RYR3: variants seen among roughly 807,000 people sequenced by gnomAD.
RYR3 encodes ryanodine receptor 3.
In RYR3, 207 loss-of-function variants were observed where a neutral mutation model predicts 584.3. The ratio of observed to expected loss-of-function variants is 0.35; its 90% CI spans 0.32 to 0.40. The LOEUF is 0.40. RYR3 is among the 10% of genes least tolerant of loss of function. RYR3 has a pLI of 1.00. For synonymous variants in RYR3, 2,416 were observed against 2,248.5 expected (o/e 1.07, Z -2.11); for missense variants, 5,616 against 6,089.2 (o/e 0.92, Z 2.59).
chr15:33,324,205 G>A (rs1222117403), intron 1 of RYR3, among the ~76,000 whole-genome samples: 1 of 152,034 alleles, frequency 6.6e-6, no homozygotes, highest in African/African-American at 2.4e-5. Context: ...ACATCCTCTT[G>A]GATTATGACA....
chr15:33,582,434 A>C (rs1391974277), intron 14 of RYR3, among the ~76,000 whole-genome samples: 2 of 152,202 alleles, frequency 1.3e-5, no homozygotes, highest in South Asian at 4.1e-4. Flanking sequence ...TGATTGGATT[A>C]CCACAGTACT....
rs1035437949 is a variant in RYR3, at chr15:33,830,998, G to A, written c.11370G>A (p.Gly3790=). The change falls in exon 86 of 104, where the codon GGG becomes GGA. Residue 3790 remains glycine, a synonymous_variant. Coordinates refer to ENST00000634891, the MANE Select transcript of RYR3 (RefSeq NM_001036.6). Reference sequence around the variant, plus strand: ...GTGATTTCTACTGGTATTATTCAGGGAAGGACATCATTGATGAATCTGGAC... The same window carrying A: ...GTGATTTCTACTGGTATTATTCAGGAAAGGACATCATTGATGAATCTGGAC... The part of the protein sequence containing the change: ...SISDFYWYYS[G]KDIIDESGQH... 1.9e-6 allele frequency: 3 copies of A among 1,613,694 alleles called. No homozygotes were observed. The East Asian group carries it at 6.7e-5, about 36-fold the overall frequency.
At chr15:33,835,121 C>G in intron 87 of RYR3, 49 bp downstream of exon 87, 1 of 1,356,456 alleles carries the variant, frequency 7.4e-7, no homozygotes, top group Admixed American at 1.7e-5. Flanking sequence ...AATGCTAAGT[C>G]AGTCCTCACT....
chr15:33,553,175 T>C (rs892770), intron 10 of RYR3, among the ~76,000 whole-genome samples: 131,703 of 152,054 alleles, frequency 0.87, 57,639 homozygotes, highest in Middle Eastern at 0.98. Context: ...ATCTGATCCT[T>C]TCCATATGTT....
intron 2 of RYR3, among the ~76,000 whole-genome samples, chr15:33,483,966 A>G (rs2676016): frequency 0.44 from 67,159 of 151,578 alleles, 15,624 homozygotes; most frequent in Non-Finnish European, 0.52. Context: ...CACCTGATTG[A>G]CTTCTCATCT....
intron 69 of RYR3, among the ~76,000 whole-genome samples, chr15:33,805,603 A>G (rs58633249): frequency 0.055 from 8,377 of 151,116 alleles, 428 homozygotes; most frequent in African/African-American, 0.14. Flanking sequence ...TCAGCCTCCC[A>G]AGTAGCTGGG....
intron 67 of RYR3, among the ~76,000 whole-genome samples, chr15:33,794,347 A>ATATAT (rs1453088029): frequency 1.1e-4 from 8 of 74,532 alleles, no homozygotes; most frequent in African/African-American, 1.9e-4. Flanking sequence ...ATATATATAA[A>ATATAT]AATATATATA....
At chr15:33,590,394 T>C (rs1256044460) in intron 16 of RYR3, among the ~76,000 whole-genome samples, 1 of 152,214 alleles carries the variant, frequency 6.6e-6, no homozygotes, top group African/African-American at 2.4e-5. Flanking sequence ...CAGGTTCTTT[T>C]TTGGTTACAT....
At position 33,579,957 on chromosome 15, in the gene RYR3, T is replaced by C; in HGVS notation, c.1269-19T>C. The C allele has an allele frequency of 6.3e-7, 1 of 1,597,396 alleles. No individual in the cohort carries two copies. Among genetic ancestry groups the C allele is most frequent in the Non-Finnish European group, 8.5e-7 (1 of 1,169,910 alleles). On this transcript the variant is annotated intron_variant, in intron 12 of 103. Transcript: ENST00000634891. The stretch of plus-strand genomic sequence containing the variant: ...GCTGCTGGCCAGTGCCTAAACCATG[T>C]CAATCTCATGGTTTTTAGCGGAAAC...
rs555903057 is a variant in RYR3 at position 33,357,966 on chromosome 15, G to A, written c.51+46870G>A. ...ACTCTTACAGCAGTGTAGCCAGTAA[G>A]TGATTCTGTCCTTGCATTTGCCAGG... On this transcript the variant is annotated intron_variant, in intron 1 of 103. Transcript: ENST00000634891. Among the ~76,000 whole-genome samples, 11 of 152,366 alleles carry A rather than the reference G, an allele frequency of 7.2e-5. No individual in the cohort carries two copies. In the South Asian group the frequency reaches 2.3e-3, roughly 32 times the overall value.
intron 1 of RYR3, among the ~76,000 whole-genome samples, chr15:33,335,590 T>C (rs1039241698): frequency 1.3e-5 from 2 of 152,108 alleles, no homozygotes; most frequent in African/African-American, 4.8e-5. Flanking sequence ...ACCTAGGTGA[T>C]GAAATCATCT....
chr15:33,496,570 T>C (rs1288552927), intron 2 of RYR3, among the ~76,000 whole-genome samples: 3 of 152,140 alleles, frequency 2.0e-5, no homozygotes, highest in Non-Finnish European at 2.9e-5. Flanking sequence ...ACAGATTCTG[T>C]AAAGCCTGTA....
At chr15:33,606,295 A>G (rs1240117132) in intron 18 of RYR3, among the ~76,000 whole-genome samples, 4 of 152,242 alleles carry the variant, frequency 2.6e-5, no homozygotes, top group Non-Finnish European at 5.9e-5. Context: ...GACAGTAAAT[A>G]TGAGCTACCT....
chr15:33,597,371 C>T (rs2059424888), intron 16 of RYR3, among the ~76,000 whole-genome samples: 2 of 152,064 alleles, frequency 1.3e-5, no homozygotes, highest in South Asian at 4.1e-4. Context: ...AATCCCAGCA[C>T]CTTGGGAGGC....
chr15:33,545,107 A>G (rs189865203), intron 8 of RYR3, among the ~76,000 whole-genome samples: 269 of 152,314 alleles, frequency 1.8e-3, no homozygotes, highest in Middle Eastern at 6.8e-3. Flanking sequence ...AAGATGGAAT[A>G]CATCAGGGTT....
chr15:33,380,736 G>A (rs567578908), intron 1 of RYR3, among the ~76,000 whole-genome samples: 25 of 152,284 alleles, frequency 1.6e-4, no homozygotes, highest in Middle Eastern at 3.4e-3. Context: ...TGACAGACAG[G>A]ACATTCGTTC....
chr15:33,397,114 G>A (rs969742582), intron 1 of RYR3, among the ~76,000 whole-genome samples: 4 of 152,126 alleles, frequency 2.6e-5, no homozygotes, highest in African/African-American at 9.7e-5. Context: ...ATTTAGAAAA[G>A]GAGAAGAAAG....
intron 1 of RYR3, among the ~76,000 whole-genome samples, chr15:33,449,807 C>T (rs971470390): frequency 5.3e-5 from 8 of 151,872 alleles, no homozygotes; most frequent in Admixed American, 2.0e-4. Flanking sequence ...GCTTCAAAGA[C>T]GGTGTTCATG....
chr15:33,794,648 A>G (rs1260490743), intron 67 of RYR3, among the ~76,000 whole-genome samples: 1 of 152,166 alleles, frequency 6.6e-6, no homozygotes, highest in Non-Finnish European at 1.5e-5. Flanking sequence ...GCAATGTCAG[A>G]GAGTCTTTGA....
Sources: gnomAD v4.1 joint callset for allele counts (sites outside exome capture counted in the v4.1 genomes callset) on GRCh38, gnomAD v4.1.1 for gene constraint, MANE v1.5 for transcripts, NCBI Gene and HGNC (gene_info 2026-07-23, HGNC 2026-07-21) for gene names.